The following USP6NL variants were observed in gnomAD, a reference collection of about 807,000 sequenced individuals.
USP6NL encodes USP6 N-terminal like.
In USP6NL, 26 loss-of-function variants were observed where a neutral mutation model predicts 61.9. The ratio of observed to expected loss-of-function variants is 0.42; its 90% CI spans 0.31 to 0.58. USP6NL has a LOEUF of 0.58. Ranked by LOEUF, USP6NL falls within the 20% of genes least tolerant of loss-of-function variation. The probability of loss-of-function intolerance (pLI) is 0.16; values close to 1 mark genes in which losing one functional copy is unlikely to be tolerated. For synonymous variants in USP6NL, 432 were observed against 390.1 expected, an observed-to-expected ratio of 1.11 and a Z score of -1.27; for missense variants, 1,114 against 1,034.3, an observed-to-expected ratio of 1.08 and a Z score of -1.06.
chr10:11,463,383 G>C lies in USP6NL; in HGVS notation c.1545C>G (p.Leu515=), dbSNP rs1049263419. 6.2e-7 allele frequency: 1 copy of C among 1,614,032 alleles called. No homozygotes were observed. The highest frequency in any genetic ancestry group is 1.3e-5 in the African/African-American group (1 of 75,062). ...CGGCAGGACCTGGGACGGTAACTGC[G>C]AGCGCGGGGTGCGCTGCTCGACCTT... is the stretch of plus-strand genomic sequence containing the variant. ...EGKGRAAHPA[L]AVTVPGPAEV... Residue 515 remains leucine, a synonymous_variant, in exon 15 of 15, where the codon CTC becomes CTG. Transcript: ENST00000609104. This position sits in a 1 kb window ranked among gnomAD's most constrained non-coding sequence, Gnocchi z 6.3.
intron 2 of USP6NL, among the ~76,000 whole-genome samples, chr10:11,535,723 C>A (rs766314036): frequency 6.6e-6 from 1 of 152,318 alleles, no homozygotes; most frequent in Admixed American, 6.5e-5. Flanking sequence ...TGTCTTTCAA[C>A]CAAATTCACT....
At position 11,501,117 on chromosome 10, in the gene USP6NL, G is replaced by A; in HGVS notation, c.368C>T (p.Thr123Ile). The A allele has an allele frequency of 6.2e-7, 1 of 1,611,432 alleles. No individual in the cohort carries two copies. Among genetic ancestry groups the A allele is most frequent in the Non-Finnish European group, 8.5e-7 (1 of 1,178,886 alleles). ...LLEIPKMKEETRDLYSKLKHR... is the reference protein window; with the variant it reads ...LLEIPKMKEEIRDLYSKLKHR... The stretch of plus-strand genomic sequence containing the variant: ...GCTACTCACACTATACAGGTCCCTT[G>A]TTTCTTCTTTCATTTTAGGGATCTC... Residue 123 changes from threonine to isoleucine, a missense_variant, in exon 7 of 15, where the codon ACA (threonine) becomes ATA (isoleucine). Thr to Ile is a moderately conservative substitution (Grantham distance 89, BLOSUM62 -1). Coordinates refer to ENST00000609104, the MANE Select transcript of USP6NL (RefSeq NM_014688.5).
At chr10:11,486,018 A>C in intron 10 of USP6NL, 107 bp from the exon 11 acceptor site, 1 of 776,382 alleles carries the variant, frequency 1.3e-6, no homozygotes, top group Non-Finnish European at 1.9e-6. Flanking sequence ...AAAAAGAAAC[A>C]TTCAGTAGTT....
Position 11,481,275 on chromosome 10 carries a change from T to G in USP6NL, c.1078+495A>C, listed in dbSNP as rs1436410090. 6.6e-6 allele frequency among the ~76,000 whole-genome samples: 1 copy of G among 151,804 alleles called. No individual in the cohort carries two copies. The highest frequency in any genetic ancestry group is 1.5e-5 in the Non-Finnish European group (1 of 68,014). ...ACTACAAAGAGCCCTGGGCTAGTAG[T>G]CAGAAAAACTGGCCTGCAGTCTCAG... On this transcript the variant is annotated intron_variant, in intron 14 of 14. Transcript: ENST00000609104. The surrounding 1 kb of genome is among the most constrained non-coding windows in gnomAD (Gnocchi z 4.4).
At chr10:11,501,811 CCTT>C (rs1421295021) in intron 6 of USP6NL, among the ~76,000 whole-genome samples, 3 of 152,194 alleles carry the variant, frequency 2.0e-5, no homozygotes, top group Admixed American at 1.3e-4. Context: ...TGCCCTTTCT[CCTT>C]CTTTTCTCTC....
intron 14 of USP6NL, among the ~76,000 whole-genome samples, chr10:11,477,348 T>C (rs1833010438): frequency 6.6e-6 from 1 of 152,122 alleles, no homozygotes; most frequent in Non-Finnish European, 1.5e-5. Flanking sequence ...TTGTTACAGA[T>C]ATAAAAAGAA....
chr10:11,535,051 G>T (rs149259661), intron 2 of USP6NL, among the ~76,000 whole-genome samples: 2 of 152,174 alleles, frequency 1.3e-5, no homozygotes, highest in African/African-American at 4.8e-5. Context: ...TTCTAAAATC[G>T]ACACCTCTTT....
Position 11,470,624 on chromosome 10 carries a change from A to C in USP6NL, c.1079-6775T>G, listed in dbSNP as rs1234066643. On this transcript the variant is annotated intron_variant, in intron 14 of 14. Coordinates refer to ENST00000609104, the MANE Select transcript of USP6NL (RefSeq NM_014688.5). This position sits in a 1 kb window ranked among gnomAD's most constrained non-coding sequence, Gnocchi z 5.4. Reference sequence around the variant, plus strand: ...TTCAGAGCTATCTCAGCCTGCTTGAACTACCACCCCTAACCCCACCACACA... The same window carrying C: ...TTCAGAGCTATCTCAGCCTGCTTGACCTACCACCCCTAACCCCACCACACA... 6.6e-6 allele frequency among the ~76,000 whole-genome samples: 1 copy of C among 152,142 alleles called. No homozygotes were observed. Among genetic ancestry groups the C allele is most frequent in the African/African-American group, 2.4e-5 (1 of 41,408 alleles).
intron 14 of USP6NL, among the ~76,000 whole-genome samples, chr10:11,472,747 T>C (rs1236210523): frequency 6.6e-6 from 1 of 152,222 alleles, no homozygotes; most frequent in Non-Finnish European, 1.5e-5. Context: ...AGAAATAGAA[T>C]TTGCTTTCTA....
chr10:11,465,174 C>T lies in USP6NL; in HGVS notation c.1079-1325G>A, dbSNP rs1397530015. Among the ~76,000 whole-genome samples the T allele has an allele frequency of 6.6e-6, 1 of 152,138 alleles. No individual in the cohort carries two copies. The highest frequency in any genetic ancestry group is 2.4e-5 in the African/African-American group (1 of 41,424). Reference sequence around the variant, plus strand: ...AGAAAGACTGAATTTATAAACTTTCCTTTAGTCCTCACTGTCTGACAGTTT... The same window carrying T: ...AGAAAGACTGAATTTATAAACTTTCTTTTAGTCCTCACTGTCTGACAGTTT... On this transcript the variant is annotated intron_variant, in intron 14 of 14. Transcript: ENST00000609104. This position sits in a 1 kb window ranked among gnomAD's most constrained non-coding sequence, Gnocchi z 4.5.
chr10:11,564,043 T>C (rs1397587623), intron 2 of USP6NL: 1 of 152,228 alleles, frequency 6.6e-6, no homozygotes, highest in African/African-American at 2.4e-5. Flanking sequence ...ACAGCATGTA[T>C]ATTTTGTTAG....
intron 3 of USP6NL, 23 bp downstream of exon 3, chr10:11,527,477 A>C: frequency 6.3e-7 from 1 of 1,581,630 alleles, no homozygotes; most frequent in Non-Finnish European, 8.6e-7. Flanking sequence ...AACTCACCCA[A>C]AGTGTTAAAT....
At chr10:11,515,922 AT>A (rs981777771) in intron 5 of USP6NL, among the ~76,000 whole-genome samples, 1 of 152,166 alleles carries the variant, frequency 6.6e-6, no homozygotes, top group East Asian at 1.9e-4. Flanking sequence ...TTAAATTAAG[AT>A]TTTTTTGATA....
chr10:11,561,852 G>A lies in USP6NL; in HGVS notation c.5-34285C>T, dbSNP rs901517919. On this transcript the variant is annotated intron_variant, in intron 2 of 14. Coordinates refer to ENST00000609104, the MANE Select transcript of USP6NL (RefSeq NM_014688.5). This position sits in a 1 kb window ranked among gnomAD's most constrained non-coding sequence, Gnocchi z 4.1. The stretch of plus-strand genomic sequence containing the variant: ...CACCTTTTTCATCACATTGAATACT[G>A]GTCCCATTTATTAATTTTAGCCAGT... Among the ~76,000 whole-genome samples, 3 of 152,056 alleles carry A rather than the reference G, an allele frequency of 2.0e-5. No individual in the cohort carries two copies. Among genetic ancestry groups the A allele is most frequent in the Non-Finnish European group, 1.5e-5 (1 of 68,014 alleles).
chr10:11,473,761 C>T (rs1019592397), intron 14 of USP6NL, among the ~76,000 whole-genome samples: 14 of 152,196 alleles, frequency 9.2e-5, no homozygotes, highest in South Asian at 2.1e-4. Context: ...CGCAAACTCC[C>T]CATGAAAACT....
intron 2 of USP6NL, among the ~76,000 whole-genome samples, chr10:11,551,702 T>C (rs554977647): frequency 6.6e-6 from 1 of 152,344 alleles, no homozygotes; most frequent in Non-Finnish European, 1.5e-5. Context: ...TTCACTTAAC[T>C]ATGTTTAACG....
chr10:11,463,387 G>T lies in USP6NL; in HGVS notation c.1541C>A (p.Ala514Glu), dbSNP rs568389319. Reference sequence around the variant, plus strand: ...AGGACCTGGGACGGTAACTGCGAGCGCGGGGTGCGCTGCTCGACCTTTGCC... The same window carrying T: ...AGGACCTGGGACGGTAACTGCGAGCTCGGGGTGCGCTGCTCGACCTTTGCC... ...MEGKGRAAHP[A>E]LAVTVPGPAE... is the part of the protein sequence containing the mutation. The change falls in exon 15 of 15, where the codon GCG (alanine) becomes GAG (glutamate). Residue 514 changes from alanine to glutamate, a missense_variant. Transcript: ENST00000609104. This position sits in a 1 kb window ranked among gnomAD's most constrained non-coding sequence, Gnocchi z 6.3. The T allele has an allele frequency of 5.3e-5, 86 of 1,614,018 alleles. No individual in the cohort carries two copies. In the Middle Eastern group the frequency reaches 9.9e-4, roughly 19 times the overall value.
Position 11,575,071 on chromosome 10 carries a change from C to CA in USP6NL, c.4+22559dup, listed in dbSNP as rs902456090. 6.6e-6 allele frequency among the ~76,000 whole-genome samples: 1 copy of CA among 152,116 alleles called. No homozygotes were observed. The highest frequency in any genetic ancestry group is 1.5e-5 in the Non-Finnish European group (1 of 68,022). On this transcript the variant is annotated intron_variant, in intron 2 of 14. Transcript: ENST00000609104. This position sits in a 1 kb window ranked among gnomAD's most constrained non-coding sequence, Gnocchi z 4.2. The stretch of plus-strand genomic sequence containing the variant: ...TGAGAAAATACTTGGAAAGAGAGGA[C>CA]AAAAGAGGACCACTCTCCTAATTCC...
chr10:11,485,016 G>A lies in USP6NL; in HGVS notation c.880C>T (p.Arg294Ter), dbSNP rs199632252. ...IWDIYIFEGE[R>*]VLTAMSYTIL... Reference sequence around the variant, plus strand: ...GTGTAAGACATAGCAGTAAGAACTCGTTCTCCTTCAAAGATGTAGATATCC... The same window carrying A: ...GTGTAAGACATAGCAGTAAGAACTCATTCTCCTTCAAAGATGTAGATATCC... Residue 294 changes from arginine to a stop codon, truncating the protein, a stop_gained, in exon 13 of 15, where the codon CGA becomes TGA. Coordinates refer to ENST00000609104, the MANE Select transcript of USP6NL (RefSeq NM_014688.5). LOFTEE classifies it high-confidence loss of function. The surrounding 1 kb of genome is among the most constrained non-coding windows in gnomAD (Gnocchi z 4.8). 4 of 1,550,978 alleles carry A rather than the reference G, an allele frequency of 2.6e-6. No homozygotes were observed. Among genetic ancestry groups the A allele is most frequent in the Non-Finnish European group, 3.5e-6 (4 of 1,146,962 alleles).
Sources: gnomAD v4.1 joint callset for allele counts (sites outside exome capture counted in the v4.1 genomes callset) on GRCh38, gnomAD v4.1.1 for gene constraint, Gnocchi (gnomAD v3.1) non-coding constraint, MANE v1.5 for transcripts, NCBI Gene and HGNC (gene_info 2026-07-23, HGNC 2026-07-21) for gene names.